The following ITIH4 variants were observed in gnomAD, a reference collection of about 807,000 sequenced individuals.
The protein encoded by ITIH4 is inter-alpha-trypsin inhibitor heavy chain H4.
Under a neutral mutation model 111.8 loss-of-function variants are expected in ITIH4, and 79 were observed. The observed-to-expected ratio is 0.71, with a 90% confidence interval of 0.59 to 0.85. ITIH4 has a LOEUF of 0.85. Ranked by LOEUF, ITIH4 falls within the 40% of genes least tolerant of loss-of-function variation. The pLI, the probability that ITIH4 is intolerant of heterozygous loss-of-function variation, is 0.00. For missense variants in ITIH4, 1,065 were observed against 1,195.8 expected, an observed-to-expected ratio of 0.89 and a Z score of 1.61; for synonymous variants, 472 against 468.3, an observed-to-expected ratio of 1.01 and a Z score of -0.10.
intron 17 of ITIH4, 72 bp from the exon 18 acceptor site, chr3:52,818,608 C>T (rs1578773343): frequency 1.6e-6 from 2 of 1,255,928 alleles, no homozygotes; most frequent in African/African-American, 3.0e-5. Flanking sequence ...AGCAGCGCTG[C>T]CACCAAGCTC....
chr3:52,816,361 C>T (rs1003982030), intron 21 of ITIH4, among the ~76,000 whole-genome samples: 2 of 152,216 alleles, frequency 1.3e-5, no homozygotes, highest in Admixed American at 1.3e-4. Flanking sequence ...TCCAAGGATA[C>T]GCTAAAGAGA....
At chr3:52,821,900 C>T (rs1321317819) in intron 11 of ITIH4, among the ~76,000 whole-genome samples, 2 of 152,192 alleles carry the variant, frequency 1.3e-5, no homozygotes, top group African/African-American at 4.8e-5. Context: ...GTCTCTCGCC[C>T]AGAGCCTGGC....
At chr3:52,815,787 G>A (rs542019350) in intron 21 of ITIH4, among the ~76,000 whole-genome samples, 2 of 151,760 alleles carry the variant, frequency 1.3e-5, no homozygotes, top group African/African-American at 4.8e-5. Flanking sequence ...CCATCTCCCA[G>A]CTTCAAGCAA....
rs1700456890 is a variant in ITIH4, at chr3:52,824,789, A to G, written c.876+53T>C. 15 of 1,426,474 alleles carry G rather than the reference A, an allele frequency of 1.1e-5. No individual in the cohort carries two copies. The highest frequency in any genetic ancestry group is 1.5e-5 in the Non-Finnish European group (15 of 1,025,326). 88.4% of individuals were successfully genotyped at this position (1,426,474 alleles called of 1,614,324 possible). A position where few individuals can be genotyped will look rare whatever the true frequency, so the allele number is the denominator to read the frequency against. ...GTCTGCCTGCCGGACCACAGCTGATAGCGTGAAGGGCCTGGGAGTTTTCAG... is the reference window on the plus strand; with the variant it reads ...GTCTGCCTGCCGGACCACAGCTGATGGCGTGAAGGGCCTGGGAGTTTTCAG... On this transcript the variant is annotated intron_variant, in intron 7 of 23. Coordinates refer to ENST00000266041, the MANE Select transcript of ITIH4 (RefSeq NM_002218.5). The surrounding 1 kb of genome is among the most constrained non-coding windows in gnomAD (Gnocchi z 4.3).
In ITIH4 at chr3:52,827,179, G is replaced by A; in HGVS notation, c.270C>T (p.Thr90=). The A allele has an allele frequency of 1.2e-6, 2 of 1,614,070 alleles. No homozygotes were observed. Among genetic ancestry groups the A allele is most frequent in the South Asian group, 1.1e-5 (1 of 91,086 alleles). Residue 90 remains threonine (T), a synonymous_variant, in exon 3 of 24, where the codon ACC becomes ACT. Coordinates refer to ENST00000266041, the MANE Select transcript of ITIH4 (RefSeq NM_002218.5). ...TNFSMIIDGM[T]YPGIIKEKAE... ...CCTTCTCCTTGATGATCCCTGGGTAGGTCATGCCATCGATGATCCTGGGGG... is the reference window on the plus strand; with the variant it reads ...CCTTCTCCTTGATGATCCCTGGGTAAGTCATGCCATCGATGATCCTGGGGG...
At chr3:52,813,599 G>A (rs570873725) in intron 23 of ITIH4, 109 bp from the exon 24 acceptor site, 33 of 963,410 alleles carry the variant, frequency 3.4e-5, no homozygotes, top group South Asian at 8.0e-5. Context: ...GAGTCCTGGC[G>A]TCCCTTTAGA....
Position 52,820,337 on chromosome 3 carries a change from A to T in ITIH4, c.1835-20T>A, listed in dbSNP as rs1700357915. On this transcript the variant is annotated intron_variant, in intron 13 of 23. Coordinates refer to ENST00000266041, the MANE Select transcript of ITIH4 (RefSeq NM_002218.5). ...TACTTTCTGGATAAAACAAAGAGAG[A>T]GAGAGAGACAGACAGACAGAGACAC... is the stretch of plus-strand genomic sequence containing the variant. The T allele has an allele frequency of 1.2e-6, 2 of 1,612,620 alleles. No homozygotes were observed. The highest frequency in any genetic ancestry group is 1.3e-5 in the African/African-American group (1 of 75,038).
At position 52,819,981 on chromosome 3, in the gene ITIH4, A is replaced by G. The variant is rs1700349355; in HGVS notation, c.1871T>C (p.Phe624Ser). ...RNRNVHSGST[F>S]FKYYLQGAKI... ...TGCTCCCTGGAGATAATATTTGAAG[A>G]AAGTGGAACCTGGAAATCAGTGGGA... Residue 624 changes from phenylalanine (F) to serine (S), a missense_variant, in exon 15 of 24, where the codon TTC becomes TCC. Coordinates refer to ENST00000266041, the MANE Select transcript of ITIH4 (RefSeq NM_002218.5). The G allele has an allele frequency of 3.1e-6, 5 of 1,613,960 alleles. No individual in the cohort carries two copies. The highest frequency in any genetic ancestry group is 1.3e-5 in the African/African-American group (1 of 74,916).
chr3:52,820,448 C>T (rs1700360681), intron 13 of ITIH4, 131 bp from the exon 14 acceptor site: 12 of 1,199,338 alleles, frequency 1.0e-5, no homozygotes, highest in Non-Finnish European at 1.4e-5. Context: ...ATCGTAGGTG[C>T]AATGAATTTG....
rs752738369 is a variant in ITIH4 at position 52,819,375 on chromosome 3, G to A, written c.2077+18C>T. The A allele has an allele frequency of 5.0e-6, 8 of 1,613,762 alleles. No homozygotes were observed. Among genetic ancestry groups the A allele is most frequent in the Non-Finnish European group, 8.5e-7 (1 of 1,179,740 alleles). On this transcript the variant is annotated intron_variant, in intron 17 of 23. Transcript: ENST00000266041. Reference sequence around the variant, plus strand: ...CCGTGGGAAACCGAGGCCCTCGCAGGGCCGGAAGGCAGCTTACAGATGGCC... The same window carrying A: ...CCGTGGGAAACCGAGGCCCTCGCAGAGCCGGAAGGCAGCTTACAGATGGCC...
rs1294539808 is a variant in ITIH4, at chr3:52,826,966, G to C, written c.357-13C>G. The C allele has an allele frequency of 6.2e-7, 1 of 1,614,070 alleles. No individual in the cohort carries two copies. The highest frequency in any genetic ancestry group is 8.5e-7 in the Non-Finnish European group (1 of 1,180,000). ...TCTCCCGGTGGCCCTGGGGGAGAAG[G>C]GCATCAGGCCTGCTCCTCCAGGACA... On this transcript the variant is annotated splice_polypyrimidine_tract_variant and intron_variant, in intron 3 of 23. Transcript: ENST00000266041.
Position 52,816,883 on chromosome 3 carries a change from C to T in ITIH4, c.2471+1G>A, listed in dbSNP as rs763579734. On this transcript the variant is annotated splice_donor_variant, in intron 21 of 23. Transcript: ENST00000266041. LOFTEE classifies it high-confidence loss of function. ...GCCCCGGGCTCCAGCCTGGGCCTTA[C>T]CCGGGCATCACTGAGAATAGCGTCT... is the stretch of plus-strand genomic sequence containing the variant. The T allele has an allele frequency of 6.2e-7, 1 of 1,613,112 alleles. No homozygotes were observed. The highest frequency in any genetic ancestry group is 8.5e-7 in the Non-Finnish European group (1 of 1,179,498).
intron 1 of ITIH4, 80 bp from the exon 2 acceptor site, chr3:52,829,359 T>G (rs1700533858): frequency 6.8e-7 from 1 of 1,461,698 alleles, no homozygotes; most frequent in Non-Finnish European, 9.3e-7. Flanking sequence ...GAGTTGGCCC[T>G]GACTCTGGCT....
intron 5 of ITIH4, 44 bp downstream of exon 5, chr3:52,826,497 G>C (rs952151102): frequency 6.9e-7 from 1 of 1,444,988 alleles, no homozygotes; most frequent in Non-Finnish European, 9.7e-7. Flanking sequence ...TGGCCTGAAG[G>C]CAGGGCCCTT....
At chr3:52,828,892 C>T (rs941293134) in intron 2 of ITIH4, among the ~76,000 whole-genome samples, 4 of 152,178 alleles carry the variant, frequency 2.6e-5, no homozygotes, top group Non-Finnish European at 4.4e-5. Flanking sequence ...AACACCTGGA[C>T]AGCACTTAGG....
At position 52,824,238 on chromosome 3, in the gene ITIH4, C is replaced by A. The variant is rs1700444910; in HGVS notation, c.1123G>T (p.Gly375Trp). Residue 375 changes from glycine (G) to tryptophan (W), a missense_variant, in exon 9 of 24, where the codon GGG (glycine) becomes TGG (tryptophan). Transcript: ENST00000266041. The surrounding 1 kb of genome is among the most constrained non-coding windows in gnomAD (Gnocchi z 4.3). ...AGCAGGATGATGAGTGAGACACTCC[C>A]TTCGGGCAGCCGCTCCTCCTGGTTG... ...SSNQEERLPEGSVSLIILLTD... is the reference protein window; with the variant it reads ...SSNQEERLPEWSVSLIILLTD... 1 of 1,613,354 alleles carries A rather than the reference C, an allele frequency of 6.2e-7. No homozygotes were observed. The highest frequency in any genetic ancestry group is 1.3e-5 in the African/African-American group (1 of 74,926).
Position 52,817,012 on chromosome 3 carries a change from T to A in ITIH4, c.2343A>T (p.Ser781=), listed in dbSNP as rs748903215. ...GGTTCTTGAAGGTCACTTCGATCCATGAGAACCCAGCCTTCTCCCTCTCAT... is the reference window on the plus strand; with the variant it reads ...GGTTCTTGAAGGTCACTTCGATCCAAGAGAACCCAGCCTTCTCCCTCTCAT... The part of the protein sequence containing the change: ...GQYEREKAGF[S]WIEVTFKNPL... Residue 781 remains serine, a synonymous_variant, in exon 21 of 24, where the codon TCA becomes TCT. Transcript: ENST00000266041. 9 of 1,613,872 alleles carry A rather than the reference T, an allele frequency of 5.6e-6. No homozygotes were observed. The African/African-American group carries it at 9.3e-5, about 17-fold the overall frequency.
At chr3:52,813,921 G>GC (rs1559476818) in intron 23 of ITIH4, 54 bp downstream of exon 23, 11 of 1,440,638 alleles carry the variant, frequency 7.6e-6, no homozygotes, top group Non-Finnish European at 1.1e-5. Context: ...CTCCTGGCCT[G>GC]CCAGTCCCCA....
Position 52,824,510 on chromosome 3 carries a change from T to A in ITIH4, c.932A>T (p.Asn311Ile). The stretch of plus-strand genomic sequence containing the variant: ...TGCTTCTGTACTGAAGACGATGAGG[T>A]TGAACTGGTCTCTGGGGCTGAGGTC... ...LDDLSPRDQF[N>I]LIVFSTEATQ... is the part of the protein sequence containing the mutation. Residue 311 changes from asparagine to isoleucine, a missense_variant, in exon 8 of 24, where the codon AAC becomes ATC. Physicochemically the swap from Asn to Ile is moderately radical, Grantham distance 149. Transcript: ENST00000266041. This position sits in a 1 kb window ranked among gnomAD's most constrained non-coding sequence, Gnocchi z 4.3. 6.2e-7 allele frequency: 1 copy of A among 1,614,080 alleles called. No individual in the cohort carries two copies. The highest frequency in any genetic ancestry group is 8.5e-7 in the Non-Finnish European group (1 of 1,180,018).
Sources: allele counts gnomAD v4.1 joint callset (sites outside exome capture counted in the v4.1 genomes callset), GRCh38; gene constraint gnomAD v4.1.1; non-coding constraint Gnocchi (gnomAD v3.1); transcripts MANE v1.5; gene names NCBI Gene and HGNC (gene_info 2026-07-23, HGNC 2026-07-21).